Variants in ABLIM1 observed in about 807,000 individuals in gnomAD.
ABLIM1 encodes actin binding LIM protein 1, also known as actin-binding LIM protein 1.
Under a neutral mutation model 107.0 loss-of-function variants are expected in ABLIM1, and 40 were observed. The observed-to-expected ratio is 0.37, with a 90% CI of 0.29 to 0.49. The LOEUF is 0.49. ABLIM1 is among the 20% of genes least tolerant of loss of function. The pLI is 0.97. For synonymous variants in ABLIM1, 357 were observed against 357.3 expected (o/e 1.00, Z 0.01); for missense variants, 857 against 1,008.5 (o/e 0.85, Z 2.04).
chr10:114,615,710 C>G (rs2077087362), intron 1 of ABLIM1: 1 of 372,728 alleles, frequency 2.7e-6, no homozygotes, highest in Admixed American at 2.6e-5. Context: ...AGAAAAATAC[C>G]TTGGGTTCAC....
intron 1 of ABLIM1, among the ~76,000 whole-genome samples, chr10:114,630,052 C>A (rs2078070427): frequency 2.6e-5 from 4 of 152,016 alleles, no homozygotes; most frequent in Admixed American, 2.0e-4. Flanking sequence ...AGAAGGTGGC[C>A]AGTGACTTGT....
At chr10:114,769,150 A>G (rs1317610330), upstream of ABLIM1, among the ~76,000 whole-genome samples, 3 of 136,994 alleles carry the variant, frequency 2.2e-5, no homozygotes, top group Admixed American at 8.1e-5. Flanking sequence ...CTTGGCCAAC[A>G]TGGTGAAACA....
At chr10:114,583,312 A>G (rs1336311017) in intron 2 of ABLIM1, among the ~76,000 whole-genome samples, 3 of 150,276 alleles carry the variant, frequency 2.0e-5, no homozygotes, top group Non-Finnish European at 1.5e-5. Flanking sequence ...ATACCATATC[A>G]CATCAGTCCA....
intron 1 of ABLIM1, among the ~76,000 whole-genome samples, chr10:114,611,159 A>G (rs11594779): frequency 0.41 from 62,202 of 151,256 alleles, 13,600 homozygotes; most frequent in Non-Finnish European, 0.5. Context: ...CTCAAAAAAA[A>G]AAAAAAAATA....
chr10:114,726,462 G>A lies in ABLIM1; in HGVS notation c.-213+41599C>T, dbSNP rs58930232. Among the ~76,000 whole-genome samples the A allele has an allele frequency of 3.2e-3, 493 of 152,106 alleles. 2 individuals carry two copies. Among genetic ancestry groups the A allele is most frequent in the African/African-American group, 0.011 (476 of 41,472 alleles). ...GGGGGAAGGAACAGGCACATCACAT[G>A]GCAAAAGCAGGAGAAAGGGAGACTG... is the stretch of plus-strand genomic sequence containing the variant. On this transcript the variant is annotated intron_variant, in intron 1 of 15. Coordinates refer to the ABLIM1 transcript ENST00000651092.
Position 114,436,188 on chromosome 10 carries a change from G to A in ABLIM1, c.*72C>T, listed in dbSNP as rs144797705. 4.5e-5 allele frequency: 55 copies of A among 1,218,658 alleles called. No individual in the cohort carries two copies. In the African/African-American group the frequency reaches 7.3e-4, roughly 16 times the overall value. The allele number at this position is 1,218,658 out of a possible 1,614,324, so 75.5% of individuals were successfully genotyped here. A position where few individuals can be genotyped will look rare whatever the true frequency, so the allele number is the denominator to read the frequency against. On this transcript the variant is annotated 3_prime_UTR_variant, in exon 23 of 23. Transcript: ENST00000533213. ...TTTGCAAATTCTCCAATCAAGTTTGGGCCTCAATATGACATCCTATGGGGC... is the reference window on the plus strand; with the variant it reads ...TTTGCAAATTCTCCAATCAAGTTTGAGCCTCAATATGACATCCTATGGGGC...
At chr10:114,497,681 C>CAAAAAAAAAAAAAAAAA (rs576676119) in intron 6 of ABLIM1, among the ~76,000 whole-genome samples, 1 of 75,590 alleles carries the variant, frequency 1.3e-5, no homozygotes, top group Non-Finnish European at 2.5e-5. Context: ...GATTCTGTCT[C>CAAAAAAAAAAAAAAAAA]AAAAAAAAAA....
intron 1 of ABLIM1, among the ~76,000 whole-genome samples, chr10:114,725,501 A>G (rs980899409): frequency 1.3e-5 from 2 of 152,156 alleles, no homozygotes; most frequent in Admixed American, 1.3e-4. Context: ...ACAAAGCACA[A>G]AATGGTGCGT....
chr10:114,495,815 C>A (rs1454103872), intron 6 of ABLIM1, among the ~76,000 whole-genome samples: 2 of 152,150 alleles, frequency 1.3e-5, no homozygotes, highest in Non-Finnish European at 2.9e-5. Flanking sequence ...TTTTATAACT[C>A]CTTTACAGTC....
intron 1 of ABLIM1, among the ~76,000 whole-genome samples, chr10:114,637,211 T>G (rs1334058750): frequency 1.3e-5 from 2 of 152,118 alleles, no homozygotes; most frequent in African/African-American, 2.4e-5. Context: ...TAAGGACCCT[T>G]GCTAATAAGC....
At chr10:114,453,251 C>T (rs1171149476) in intron 13 of ABLIM1, 128 bp downstream of exon 13, 3 of 980,634 alleles carry the variant, frequency 3.1e-6, no homozygotes, top group Non-Finnish European at 4.8e-6. Context: ...AGGTCAGATC[C>T]TGCAATTTAG....
intron 10 of ABLIM1, 111 bp from the exon 11 acceptor site, chr10:114,468,327 T>A (rs570590452): frequency 2.0e-6 from 2 of 1,014,766 alleles, no homozygotes; most frequent in Non-Finnish European, 1.5e-6. Flanking sequence ...CAGGCTGGAG[T>A]GCAGTGGCGC....
chr10:114,689,234 C>T (rs940975592), upstream of ABLIM1, among the ~76,000 whole-genome samples: 40 of 152,276 alleles, frequency 2.6e-4, no homozygotes, highest in African/African-American at 9.6e-4. Context: ...CTATCATCAG[C>T]TCACCAATGA....
At chr10:114,568,948 G>T (rs780944627) in intron 4 of ABLIM1, among the ~76,000 whole-genome samples, 6 of 152,134 alleles carry the variant, frequency 3.9e-5, no homozygotes, top group Non-Finnish European at 8.8e-5. Context: ...CAACATTTCG[G>T]TAGAGCTGTG....
At chr10:114,700,379 T>C (rs1405625359) in intron 1 of ABLIM1, among the ~76,000 whole-genome samples, 1 of 152,110 alleles carries the variant, frequency 6.6e-6, no homozygotes, top group African/African-American at 2.4e-5. Flanking sequence ...AATTCATGAA[T>C]TCAATGTAAC....
intron 13 of ABLIM1, among the ~76,000 whole-genome samples, chr10:114,453,137 A>G (rs1165966306): frequency 6.6e-6 from 1 of 152,142 alleles, no homozygotes. Context: ...AAACAACCCA[A>G]CTGCTTTTAC....
chr10:114,555,564 T>C (rs1224442110), intron 4 of ABLIM1, among the ~76,000 whole-genome samples: 1 of 152,158 alleles, frequency 6.6e-6, no homozygotes, highest in Admixed American at 6.6e-5. Context: ...CATGAGGTGT[T>C]CCTTCAAAGG....
At chr10:114,777,560 T>C in the ABLIM1 span, among the ~76,000 whole-genome samples, 1 of 152,224 alleles carries the variant, frequency 6.6e-6, no homozygotes, top group Non-Finnish European at 1.5e-5. Context: ...GCAGGATGCC[T>C]CCTCCTAGTG....
At chr10:114,762,117 G>C (rs60297453) in intron 1 of ABLIM1, among the ~76,000 whole-genome samples, 6,540 of 151,868 alleles carry the variant, frequency 0.043, 479 homozygotes, top group African/African-American at 0.15. Context: ...ACTGCAAGCT[G>C]CACCTCCCAG....
Sources: gnomAD v4.1 joint callset for allele counts (sites outside exome capture counted in the v4.1 genomes callset) on GRCh38, gnomAD v4.1.1 for gene constraint, MANE v1.5 for transcripts, NCBI Gene and HGNC (gene_info 2026-07-23, HGNC 2026-07-21) for gene names.